ATP6V1H: variants seen among roughly 807,000 people sequenced by gnomAD.
ATP6V1H encodes ATPase H+ transporting V1 subunit H.
In ATP6V1H, 39 loss-of-function variants were observed where a neutral mutation model predicts 71.7. That is an observed-to-expected ratio of 0.54 (90% CI 0.42 to 0.71). The LOEUF (loss-of-function observed/expected upper bound fraction) is 0.71. Among genes scored for constraint, ATP6V1H ranks in the 30% least tolerant of loss-of-function variants. The pLI, the probability that ATP6V1H is intolerant of heterozygous loss-of-function variation, is 0.00. For missense variants in ATP6V1H, 509 were observed against 594.9 expected (o/e 0.86, Z 1.50); for synonymous variants, 192 against 199.3 (o/e 0.96, Z 0.31).
At chr8:53,782,017 A>C (rs1458524908) in intron 9 of ATP6V1H, among the ~76,000 whole-genome samples, 1 of 152,182 alleles carries the variant, frequency 6.6e-6, no homozygotes, top group Non-Finnish European at 1.5e-5. Flanking sequence ...TTAACTTGGC[A>C]ATGCAGGATC....
In ATP6V1H at chr8:53,773,282, C is replaced by T. The variant is rs117452749; in HGVS notation, c.871-1115G>A. Reference sequence around the variant, plus strand: ...TAGATAATGAATAGAGTAGCAGCAACAGTATAAATTAATTTGCTTTTAAAA... The same window carrying T: ...TAGATAATGAATAGAGTAGCAGCAATAGTATAAATTAATTTGCTTTTAAAA... On this transcript the variant is annotated intron_variant, in intron 9 of 13. Coordinates refer to ENST00000359530, the MANE Select transcript of ATP6V1H (RefSeq NM_015941.4). 4.5e-4 allele frequency among the ~76,000 whole-genome samples: 68 copies of T among 152,280 alleles called. 1 individual carries two copies. In the East Asian group the frequency reaches 9.4e-3, roughly 21 times the overall value.
chr8:53,781,221 A>G (rs1334928668), intron 9 of ATP6V1H, among the ~76,000 whole-genome samples: 1 of 152,204 alleles, frequency 6.6e-6, no homozygotes, highest in Non-Finnish European at 1.5e-5. Context: ...TGACTTTTTA[A>G]TAATCGCCAT....
chr8:53,785,962 C>G (rs909637674), intron 9 of ATP6V1H, among the ~76,000 whole-genome samples: 2 of 152,214 alleles, frequency 1.3e-5, no homozygotes, highest in Non-Finnish European at 2.9e-5. Context: ...CGGGATGCCT[C>G]CCAGTTAGGC....
intron 2 of ATP6V1H, among the ~76,000 whole-genome samples, chr8:53,833,389 T>C (rs900409748): frequency 2.6e-4 from 39 of 152,244 alleles, no homozygotes; most frequent in African/African-American, 8.7e-4. Context: ...TGGCAAATGG[T>C]AGGCACTCAG....
chr8:53,731,474 G>A (rs1222136234), intron 13 of ATP6V1H, among the ~76,000 whole-genome samples: 2 of 152,196 alleles, frequency 1.3e-5, no homozygotes, highest in Non-Finnish European at 2.9e-5. Flanking sequence ...CATTGTATAA[G>A]GAAGCATTGT....
At chr8:53,757,416 G>A (rs1300598033) in intron 11 of ATP6V1H, among the ~76,000 whole-genome samples, 1 of 152,160 alleles carries the variant, frequency 6.6e-6, no homozygotes, top group Non-Finnish European at 1.5e-5. Flanking sequence ...AGAATCCAAG[G>A]AGCTTGGAAA....
At chr8:53,754,600 G>A (rs564793855) in intron 12 of ATP6V1H, among the ~76,000 whole-genome samples, 27 of 152,304 alleles carry the variant, frequency 1.8e-4, no homozygotes, top group Non-Finnish European at 3.2e-4. Context: ...TACTGGTAGC[G>A]TTTCCTGAAA....
chr8:53,785,667 T>C (rs1421878041), intron 9 of ATP6V1H, among the ~76,000 whole-genome samples: 1 of 152,136 alleles, frequency 6.6e-6, no homozygotes, highest in Non-Finnish European at 1.5e-5. Flanking sequence ...ATCTTTGTGG[T>C]TTTATCCACC....
intron 13 of ATP6V1H, among the ~76,000 whole-genome samples, chr8:53,723,950 C>CGGG (rs1413901643): frequency 2.0e-5 from 3 of 152,118 alleles, no homozygotes; most frequent in Non-Finnish European, 4.4e-5. Flanking sequence ...ATCACCAACC[C>CGGG]CCTCTGTCAA....
At chr8:53,815,688 T>TA (rs778177859) in intron 5 of ATP6V1H, among the ~76,000 whole-genome samples, 2 of 152,220 alleles carry the variant, frequency 1.3e-5, no homozygotes, top group African/African-American at 2.4e-5. Flanking sequence ...AATGAATTTA[T>TA]AAATACATTA....
intron 9 of ATP6V1H, among the ~76,000 whole-genome samples, chr8:53,772,745 A>C (rs1013993340): frequency 6.6e-6 from 1 of 152,152 alleles, no homozygotes; most frequent in African/African-American, 2.4e-5. Flanking sequence ...GAAAATGGCA[A>C]AATAATCCAC....
At chr8:53,809,036 C>T (rs1276740297) in intron 7 of ATP6V1H, among the ~76,000 whole-genome samples, 1 of 152,160 alleles carries the variant, frequency 6.6e-6, no homozygotes, top group Non-Finnish European at 1.5e-5. Context: ...CTTAAAAAGT[C>T]TGAGTAAGCA....
chr8:53,776,245 G>A (rs912284450), intron 9 of ATP6V1H, among the ~76,000 whole-genome samples: 4 of 152,120 alleles, frequency 2.6e-5, no homozygotes, highest in Non-Finnish European at 5.9e-5. Context: ...GCCCGCAAGC[G>A]CCGCACGCAG....
At chr8:53,724,119 C>A (rs1806722196) in intron 13 of ATP6V1H, among the ~76,000 whole-genome samples, 1 of 152,112 alleles carries the variant, frequency 6.6e-6, no homozygotes, top group South Asian at 2.1e-4. Flanking sequence ...CCTATGCCAT[C>A]CGAATTATCA....
intron 9 of ATP6V1H, among the ~76,000 whole-genome samples, chr8:53,785,208 C>A (rs1230292862): frequency 6.6e-6 from 1 of 152,138 alleles, no homozygotes; most frequent in Non-Finnish European, 1.5e-5. Context: ...TTCACATAGT[C>A]CCATATTTCT....
intron 8 of ATP6V1H, among the ~76,000 whole-genome samples, chr8:53,797,551 G>C (rs1460978270): frequency 1.3e-5 from 2 of 152,072 alleles, no homozygotes; most frequent in Non-Finnish European, 2.9e-5. Context: ...CTAAATTTCA[G>C]CTGTACTCAG....
intron 5 of ATP6V1H, 120 bp downstream of exon 5, chr8:53,817,297 G>A: frequency 1.8e-6 from 1 of 557,908 alleles, no homozygotes; most frequent in East Asian, 3.3e-5. Flanking sequence ...CAGCACTTTG[G>A]GAGGCCAAGG....
In ATP6V1H at chr8:53,790,424, G is replaced by A. The variant is rs117167654; in HGVS notation, c.870+5223C>T. Among the ~76,000 whole-genome samples, 626 of 152,116 alleles carry A rather than the reference G, an allele frequency of 4.1e-3. 5 individuals are homozygous for A. The highest frequency in any genetic ancestry group is 6.3e-3 in the Admixed American group (97 of 15,278). ...GCCCTGGTGCCAACAACCACCCCAC[G>A]ACCAGCCCTTTATACAGTCACAAAT... is the stretch of plus-strand genomic sequence containing the variant. On this transcript the variant is annotated intron_variant, in intron 9 of 13. Transcript: ENST00000359530.
chr8:53,810,630 C>T (rs1166582592), intron 7 of ATP6V1H, among the ~76,000 whole-genome samples: 5 of 152,120 alleles, frequency 3.3e-5, no homozygotes, highest in African/African-American at 1.2e-4. Context: ...GTCCCAGCTA[C>T]TCGGGAGGCT....
Sources: gnomAD v4.1 joint callset for allele counts (sites outside exome capture counted in the v4.1 genomes callset) on GRCh38, gnomAD v4.1.1 for gene constraint, MANE v1.5 for transcripts, NCBI Gene and HGNC (gene_info 2026-07-23, HGNC 2026-07-21) for gene names.